The following GAB3 variants were observed in gnomAD, a reference collection of about 807,000 sequenced individuals.
GAB3 encodes the protein GRB2-associated-binding protein 3.
In GAB3, 12 loss-of-function variants were observed where a neutral mutation model predicts 40.4. The observed-to-expected ratio is 0.30, with a 90% CI of 0.19 to 0.48. The LOEUF (loss-of-function observed/expected upper bound fraction) is 0.48, where lower values mean the gene tolerates loss of function less well. Ranked by LOEUF, GAB3 falls within the 20% of genes least tolerant of loss-of-function variation. The pLI is 0.99. For synonymous variants in GAB3, 154 were observed against 176.7 expected (o/e 0.87, Z 1.02); for missense variants, 381 against 461.9 (o/e 0.82, Z 1.61).
At chrX:154,724,101 G>T (rs1557259133) in intron 1 of GAB3, among the ~76,000 whole-genome samples, 1 of 111,641 alleles carries the variant, frequency 9.0e-6, no homozygotes, top group Non-Finnish European at 1.9e-5. Flanking sequence ...TATCCCAGCA[G>T]TTTGGGAGAC....
At chrX:154,697,531 C>A (rs2070679272) in intron 6 of GAB3, among the ~76,000 whole-genome samples, 1 of 112,069 alleles carries the variant, frequency 8.9e-6, no homozygotes, top group African/African-American at 3.2e-5. Flanking sequence ...TGTGGAATTG[C>A]AACATCTATT....
intron 1 of GAB3, among the ~76,000 whole-genome samples, chrX:154,749,138 C>T (rs997561206): frequency 3.5e-4 from 39 of 111,380 alleles, no homozygotes; most frequent in African/African-American, 1.3e-3. Context: ...ATCACACGCC[C>T]CACATATCTC....
intron 1 of GAB3, among the ~76,000 whole-genome samples, chrX:154,743,317 G>A (rs924925707): frequency 1.4e-4 from 16 of 111,226 alleles, no homozygotes; most frequent in African/African-American, 4.6e-4. Flanking sequence ...AAACAGAGAA[G>A]TCACTGCCAG....
intron 1 of GAB3, among the ~76,000 whole-genome samples, chrX:154,730,345 G>T (rs1352465369): frequency 1.8e-5 from 2 of 111,983 alleles, no homozygotes; most frequent in Non-Finnish European, 3.8e-5. Context: ...TTCTTGTGTT[G>T]CTATTGACAT....
At chrX:154,681,372 T>C (rs2070371443) in intron 8 of GAB3, among the ~76,000 whole-genome samples, 1 of 111,385 alleles carries the variant, frequency 9.0e-6, no homozygotes, top group African/African-American at 3.3e-5. Flanking sequence ...GTTCATATGT[T>C]GAAAGGTCAT....
At chrX:154,690,745 A>G (rs2070547213) in intron 8 of GAB3, among the ~76,000 whole-genome samples, 1 of 111,090 alleles carries the variant, frequency 9.0e-6, no homozygotes, top group African/African-American at 3.3e-5. Context: ...TTAGAATGGC[A>G]ATCATTAAAA....
intron 3 of GAB3, 61 bp downstream of exon 3, chrX:154,713,146 T>C: frequency 1.1e-6 from 1 of 942,658 alleles, no homozygotes; most frequent in South Asian, 2.0e-5. Flanking sequence ...GAGGAGGCAG[T>C]GTGACTCTAG....
At chrX:154,750,258 T>A (rs1159824516) in intron 1 of GAB3, among the ~76,000 whole-genome samples, 1 of 112,571 alleles carries the variant, frequency 8.9e-6, no homozygotes, top group Non-Finnish European at 1.9e-5. Context: ...CTGATGGAGA[T>A]AATGAACGTT....
At chrX:154,736,872 G>A (rs1557260582) in intron 1 of GAB3, among the ~76,000 whole-genome samples, 1 of 112,257 alleles carries the variant, frequency 8.9e-6, no homozygotes, top group Non-Finnish European at 1.9e-5. Context: ...CCCTAAAGAT[G>A]TAGTTAGCCC....
chrX:154,723,699 G>A (rs1569557962), intron 1 of GAB3, among the ~76,000 whole-genome samples: 1 of 111,651 alleles, frequency 9.0e-6, no homozygotes, highest in African/African-American at 3.3e-5. Flanking sequence ...AGATGGAAAA[G>A]GGTGAGGTCA....
chrX:154,744,767 T>A (rs1268382798), intron 1 of GAB3, among the ~76,000 whole-genome samples: 2 of 112,218 alleles, frequency 1.8e-5, no homozygotes, highest in Non-Finnish European at 3.8e-5. Context: ...GTACATGAAG[T>A]GAAACTATAT....
intron 1 of GAB3, among the ~76,000 whole-genome samples, chrX:154,748,586 C>T (rs951882232): frequency 8.9e-6 from 1 of 112,393 alleles, no homozygotes; most frequent in Non-Finnish European, 1.9e-5. Context: ...AAGTACAAGC[C>T]TACTTTGGAC....
In GAB3 at chrX:154,740,081, C is replaced by T. The variant is rs5986880; in HGVS notation, c.72+10873G>A. Among the ~76,000 whole-genome samples, 854 of 112,420 alleles carry T rather than the reference C, an allele frequency of 7.6e-3. 7 individuals carry two copies. Among genetic ancestry groups the T allele is most frequent in the African/African-American group, 0.026 (818 of 30,925 alleles). ...GCTGAGAGTAAAAATTGGCATTATA[C>T]GTTTACATGCACTTCAACTCAGCAA... On this transcript the variant is annotated intron_variant, in intron 1 of 9. Transcript: ENST00000424127.
intron 4 of GAB3, among the ~76,000 whole-genome samples, chrX:154,704,710 C>T (rs919072886): frequency 6.3e-5 from 7 of 110,796 alleles, no homozygotes; most frequent in Non-Finnish European, 1.3e-4. Flanking sequence ...TAAGAAAAAG[C>T]GAAGAATGCT....
intron 1 of GAB3, among the ~76,000 whole-genome samples, chrX:154,725,609 A>G (rs1443655544): frequency 9.0e-6 from 1 of 111,026 alleles, no homozygotes; most frequent in East Asian, 2.8e-4. Context: ...CACAGAGAAC[A>G]CAGTTATGTA....
chrX:154,699,859 C>T (rs1264589595), intron 5 of GAB3, 145 bp downstream of exon 5: 1 of 527,035 alleles, frequency 1.9e-6, no homozygotes, highest in East Asian at 3.3e-5. Flanking sequence ...CCTGTAGTTC[C>T]CAAGCAAGTT....
At chrX:154,742,592 C>T (rs782051840) in intron 1 of GAB3, among the ~76,000 whole-genome samples, 3 of 111,134 alleles carry the variant, frequency 2.7e-5, no homozygotes, top group Non-Finnish European at 5.7e-5. Context: ...ATAAGTCAAA[C>T]CATCGTAAGT....
intron 8 of GAB3, among the ~76,000 whole-genome samples, chrX:154,692,901 G>T (rs915527338): frequency 2.7e-5 from 3 of 112,392 alleles, no homozygotes; most frequent in African/African-American, 9.7e-5. Context: ...AAGTTTGGTG[G>T]TTCCTTAAAA....
intron 9 of GAB3, 28 bp downstream of exon 9, chrX:154,680,104 G>T: frequency 1.0e-6 from 1 of 1,003,652 alleles, no homozygotes; most frequent in Non-Finnish European, 1.4e-6. Flanking sequence ...AATCACCTGG[G>T]AATTCTTAGA....
Sources: allele counts gnomAD v4.1 joint callset (sites outside exome capture counted in the v4.1 genomes callset), GRCh38; gene constraint gnomAD v4.1.1; transcripts MANE v1.5; gene names NCBI Gene and HGNC (gene_info 2026-07-23, HGNC 2026-07-21).